Variants in TMEM160 observed in about 807,000 individuals in gnomAD.
The protein encoded by TMEM160 is transmembrane protein 160.
A neutral mutation model predicts 13.9 loss-of-function variants in TMEM160; 10 were observed. The ratio of observed to expected loss-of-function variants is 0.72; its 90% confidence interval spans 0.45 to 1.22. TMEM160 has a LOEUF of 1.22. Ranked by LOEUF, TMEM160 falls within the 50% of genes most tolerant of loss-of-function variation. The pLI is 0.00. For synonymous variants in TMEM160, 159 were observed against 134.8 expected, an observed-to-expected ratio of 1.18 and a Z score of -1.25; for missense variants, 287 against 283.2, an observed-to-expected ratio of 1.01 and a Z score of -0.10.
In TMEM160 at chr19:47,048,573, G is replaced by A. The variant is rs1438248377; in HGVS notation, c.42C>T (p.Ala14=). Reference sequence around the variant, plus strand: ...GTAGCGACCTCCGGAAGCGAAGACGGGCAAGGCGAGCGGCCCGAGCCCACC... The same window carrying A: ...GTAGCGACCTCCGGAAGCGAAGACGAGCAAGGCGAGCGGCCCGAGCCCACC... ...GWWWARAARL[A]RLRFRRSLLP... The change falls in exon 1 of 3, where the codon GCC becomes GCT. Residue 14 remains alanine, a synonymous_variant. Coordinates refer to ENST00000253047, the MANE Select transcript of TMEM160 (RefSeq NM_017854.2). 34 of 1,521,060 alleles carry A rather than the reference G, an allele frequency of 2.2e-5. No individual in the cohort carries two copies. Among genetic ancestry groups the A allele is most frequent in the Non-Finnish European group, 2.9e-5 (33 of 1,143,440 alleles). 94.2% of individuals were successfully genotyped at this position (1,521,060 alleles called of 1,614,324 possible).
intron 1 of TMEM160, chr19:47,047,810 C>T (rs2057088899): frequency 1.2e-6 from 1 of 828,070 alleles, no homozygotes; most frequent in Non-Finnish European, 1.5e-6. Flanking sequence ...TGCGCCACTG[C>T]GGTCCAGCCT....
intron 1 of TMEM160, 30 bp downstream of exon 1, chr19:47,048,377 T>C (rs2057092180): frequency 6.9e-7 from 1 of 1,458,636 alleles, no homozygotes; most frequent in Non-Finnish European, 9.0e-7. Flanking sequence ...CCCCGTCCCA[T>C]CCGCACCGCC....
Position 47,048,435 on chromosome 19 carries a change from G to A in TMEM160, c.180C>T (p.Ala60=). Residue 60 remains alanine, a synonymous_variant, in exon 1 of 3, where the codon GCC becomes GCT. Transcript: ENST00000253047. ...PPVSELDRAD[A]WLLRKAHETA... The stretch of plus-strand genomic sequence containing the variant: ...TCTCGTGCGCTTTTCGGAGGAGCCA[G>A]GCGTCCGCACGATCCAGCTCGGACA... 1 of 1,455,748 alleles carries A rather than the reference G, an allele frequency of 6.9e-7. No individual in the cohort carries two copies. Among genetic ancestry groups the A allele is most frequent in the Non-Finnish European group, 9.0e-7 (1 of 1,114,674 alleles). The allele number at this position is 1,455,748 out of a possible 1,614,324, so 90.2% of individuals were successfully genotyped here.
Position 47,046,047 on chromosome 19 carries a change from C to T in TMEM160, c.507G>A (p.Glu169=). The part of the protein sequence containing the change: ...QLELDVELVP[E]DDGTASAEGP... ...CTTCCGCGGAGGCCGTCCCGTCGTC[C>T]TCGGGCACCAGCTCCACGTCCAGCT... Residue 169 remains glutamate, a synonymous_variant, in exon 3 of 3, where the codon GAG becomes GAA. Transcript: ENST00000253047. The T allele has an allele frequency of 3.2e-6, 5 of 1,549,506 alleles. No individual in the cohort carries two copies. Among genetic ancestry groups the T allele is most frequent in the South Asian group, 1.2e-5 (1 of 85,004 alleles).
At chr19:47,047,720 C>A in intron 1 of TMEM160, 1 of 541,234 alleles carries the variant, frequency 1.8e-6, no homozygotes, top group Non-Finnish European at 2.4e-6. Flanking sequence ...GTGGTGTATG[C>A]CTGTAGCTCC....
chr19:47,046,672 C>T lies in TMEM160; in HGVS notation c.222G>A (p.Trp74Ter). The T allele has an allele frequency of 6.2e-7, 1 of 1,613,100 alleles. No homozygotes were observed. The highest frequency in any genetic ancestry group is 8.5e-7 in the Non-Finnish European group (1 of 1,179,826). ...CCGATGCCAGGAGGCCATTGCGGAA[C>T]CAGGAGAGGAAGGCTGGAGGGAGGG... ...RKAHETAFLS[W>*]FRNGLLASGI... The change falls in exon 2 of 3, where the codon TGG becomes TGA. Residue 74 changes from tryptophan to a stop codon, truncating the protein, a stop_gained. Transcript: ENST00000253047. LOFTEE classifies it high-confidence loss of function.
chr19:47,047,900 C>A, intron 1 of TMEM160: 1 of 985,098 alleles, frequency 1.0e-6, no homozygotes, highest in Non-Finnish European at 1.2e-6. Context: ...CCATTCTGGA[C>A]CTCGCCTCCG....
At position 47,046,129 on chromosome 19, in the gene TMEM160, ACGGCGC is replaced by A; in HGVS notation, c.419_424del (p.Gly140_Ala141del). Reference sequence around the variant, plus strand: ...CGCCCAGAGCAGGCTGGCGGCCAGCACGGCGCCCGCGCCCACGGCCGCGCCCCCCAG... The same window carrying A: ...CGCCCAGAGCAGGCTGGCGGCCAGCACCGCGCCCACGGCCGCGCCCCCCAG... On this transcript the variant is annotated inframe_deletion, in exon 3 of 3. Coordinates refer to ENST00000253047, the MANE Select transcript of TMEM160 (RefSeq NM_017854.2). 6.7e-7 allele frequency: 1 copy of A among 1,494,164 alleles called. No homozygotes were observed. The highest frequency in any genetic ancestry group is 8.9e-7 in the Non-Finnish European group (1 of 1,129,500). The allele number at this position is 1,494,164 out of a possible 1,614,324, so 92.6% of individuals were successfully genotyped here.
At position 47,048,572 on chromosome 19, in the gene TMEM160, G is replaced by T. The variant is rs906253622; in HGVS notation, c.43C>A (p.Arg15Ser). 5.3e-6 allele frequency: 8 copies of T among 1,520,074 alleles called. No individual in the cohort carries two copies. Among genetic ancestry groups the T allele is most frequent in the Non-Finnish European group, 7.0e-6 (8 of 1,142,854 alleles). The allele number at this position is 1,520,074 out of a possible 1,614,324, so 94.2% of individuals were successfully genotyped here. ...AGTAGCGACCTCCGGAAGCGAAGAC[G>T]GGCAAGGCGAGCGGCCCGAGCCCAC... ...WWWARAARLARLRFRRSLLPP... is the reference protein window; with the variant it reads ...WWWARAARLASLRFRRSLLPP... The change falls in exon 1 of 3, where the codon CGT (arginine) becomes AGT (serine). Residue 15 changes from arginine to serine, a missense_variant. Arg to Ser is a moderately radical substitution (Grantham distance 110). Transcript: ENST00000253047.
rs372639671 is a variant in TMEM160, at chr19:47,047,080, C to T, written c.209-395G>A. On this transcript the variant is annotated intron_variant, in intron 1 of 2. Coordinates refer to ENST00000253047, the MANE Select transcript of TMEM160 (RefSeq NM_017854.2). ...TTAAAATTAGCAGGGTGTGGTAGCA[C>T]GTGCTTGTAGTCCCAGCTACTCAGG... Among the ~76,000 whole-genome samples the T allele has an allele frequency of 2.6e-5, 4 of 152,234 alleles. No individual in the cohort carries two copies. In the East Asian group the frequency reaches 5.8e-4, roughly 22 times the overall value.
chr19:47,046,498 T>C (rs550706372), intron 2 of TMEM160, 95 bp downstream of exon 2: 2 of 1,069,676 alleles, frequency 1.9e-6, no homozygotes, highest in East Asian at 2.4e-5. Context: ...CTACTGGGAG[T>C]GGGATGGGGT....
chr19:47,046,012 T>G lies in TMEM160; in HGVS notation c.542A>C (p.Glu181Ala). 6.5e-7 allele frequency: 1 copy of G among 1,548,014 alleles called. No individual in the cohort carries two copies. Residue 181 changes from glutamate to alanine, a missense_variant, in exon 3 of 3, where the codon GAG (glutamate) becomes GCG (alanine). Glu to Ala is a moderately radical substitution (Grantham distance 107). Coordinates refer to ENST00000253047, the MANE Select transcript of TMEM160 (RefSeq NM_017854.2). ...DGTASAEGPD[E>A]AGRPPPE ...TCACTCGGGTGGCGGCCGACCCGCC[T>G]CATCAGGGCCTTCCGCGGAGGCCGT...
At chr19:47,046,970 G>T (rs2057083977) in intron 1 of TMEM160, among the ~76,000 whole-genome samples, 1 of 152,192 alleles carries the variant, frequency 6.6e-6, no homozygotes, top group South Asian at 2.1e-4. Flanking sequence ...CCAGCACTTT[G>T]GGAGGCCAAG....
intron 1 of TMEM160, chr19:47,047,279 C>T: frequency 1.0e-6 from 1 of 985,446 alleles, no homozygotes; most frequent in South Asian, 4.7e-5. Context: ...AGTTGCAGAA[C>T]CTCCATCTGA....
chr19:47,046,289 G>A (rs760945078), intron 2 of TMEM160, 37 bp from the exon 3 acceptor site: 2 of 1,512,178 alleles, frequency 1.3e-6, no homozygotes, highest in Non-Finnish European at 1.8e-6. Context: ...GGCCAAGGTC[G>A]GGGGATGGTC....
In TMEM160 at chr19:47,048,620, G is replaced by T. The variant is rs2057093987; in HGVS notation, c.-6C>A. ...CACCACCAGCCGCCTCCCATGATTC[G>T]CACTACGGCCGCCGCGCGCCGTACC... On this transcript the variant is annotated 5_prime_UTR_variant, in exon 1 of 3. Transcript: ENST00000253047. The T allele has an allele frequency of 4.6e-6, 7 of 1,532,742 alleles. No individual in the cohort carries two copies. In the Admixed American group the frequency reaches 7.7e-5, roughly 17 times the overall value. The allele number at this position is 1,532,742 out of a possible 1,614,324, so 94.9% of individuals were successfully genotyped here.
rs2057089403 is a variant in TMEM160 at position 47,047,901 on chromosome 19, C to A, written c.208+506G>T. 3 of 984,994 alleles carry A rather than the reference C, an allele frequency of 3.0e-6. No homozygotes were observed. The South Asian group carries it at 1.4e-4, about 46-fold the overall frequency. The allele number at this position is 984,994 out of a possible 1,614,324, so 61.0% of individuals were successfully genotyped here. A position where few individuals can be genotyped will look rare whatever the true frequency, so the allele number is the denominator to read the frequency against. The stretch of plus-strand genomic sequence containing the variant: ...ATGGCCAGTCCGCTCCATTCTGGAC[C>A]TCGCCTCCGTCACAAGCCCCGCCCT... On this transcript the variant is annotated intron_variant, in intron 1 of 2. Transcript: ENST00000253047.
At chr19:47,047,443 G>T in intron 1 of TMEM160, 1 of 984,846 alleles carries the variant, frequency 1.0e-6, no homozygotes, top group Non-Finnish European at 1.2e-6. Context: ...CTCCTACCGA[G>T]TATGGCCTGG....
Position 47,048,485 on chromosome 19 carries a change from G to A in TMEM160, c.130C>T (p.Arg44Cys), listed in dbSNP as rs976761302. ...RGSFAPGHGP[R>C]AGASPPPVSE... is the part of the protein sequence containing the mutation. ...ACTGGGGGCGGCGAAGCCCCGGCGCGGGGACCGTGGCCGGGGGCGAAGGAC... is the reference window on the plus strand; with the variant it reads ...ACTGGGGGCGGCGAAGCCCCGGCGCAGGGACCGTGGCCGGGGGCGAAGGAC... Residue 44 changes from arginine to cysteine, a missense_variant, in exon 1 of 3, where the codon CGC becomes TGC. Physicochemically the swap from Arg to Cys is radical, Grantham distance 180 (BLOSUM62 -3). Transcript: ENST00000253047. The A allele has an allele frequency of 3.2e-5, 46 of 1,416,742 alleles. No homozygotes were observed. Among genetic ancestry groups the A allele is most frequent in the Non-Finnish European group, 4.0e-5 (44 of 1,097,322 alleles). 87.8% of individuals were successfully genotyped at this position (1,416,742 alleles called of 1,614,324 possible).
Sources: allele counts gnomAD v4.1 joint callset (sites outside exome capture counted in the v4.1 genomes callset), GRCh38; gene constraint gnomAD v4.1.1; transcripts MANE v1.5; gene names NCBI Gene and HGNC (gene_info 2026-07-23, HGNC 2026-07-21).